The following G3BP2 variants were observed in gnomAD, a reference collection of about 807,000 sequenced individuals.
The protein encoded by G3BP2 is ras GTPase-activating protein-binding protein 2.
Under a neutral mutation model 56.7 loss-of-function variants are expected in G3BP2, and 11 were observed. The ratio of observed to expected loss-of-function variants is 0.19; its 90% CI spans 0.12 to 0.32. G3BP2 has a LOEUF of 0.32. Among genes scored for constraint, G3BP2 ranks in the 10% least tolerant of loss-of-function variants. The pLI is 1.00. For missense variants in G3BP2, 340 were observed against 610.9 expected (o/e 0.56, Z 4.67); for synonymous variants, 165 against 191.6 (o/e 0.86, Z 1.15).
chr4:75,667,289 A>G (rs201764309), intron 1 of G3BP2, among the ~76,000 whole-genome samples: 1 of 13,922 alleles, frequency 7.2e-5, no homozygotes, highest in South Asian at 1.1e-3. Flanking sequence ...GACACTGTTT[A>G]AAAAAAAAAA....
At position 75,643,588 on chromosome 4, in the gene G3BP2, C is replaced by T. The variant is rs530864042; in HGVS notation, c.*1842G>A. The T allele has an allele frequency of 6.6e-6, 1 of 152,044 alleles. No homozygotes were observed. Among genetic ancestry groups the T allele is most frequent in the East Asian group, 1.9e-4 (1 of 5,164 alleles). 9.4% of individuals were successfully genotyped at this position (152,044 alleles called of 1,614,324 possible). A position where few individuals can be genotyped will look rare whatever the true frequency, so the allele number is the denominator to read the frequency against. On this transcript the variant is annotated 3_prime_UTR_variant, in exon 12 of 12. Coordinates refer to ENST00000359707, the MANE Select transcript of G3BP2 (RefSeq NM_203505.3). ...TCCCTCAAACATGGAAGACCTCATT[C>T]AAAGGGGGAAAAAGGGACAGATTTT...
Position 75,643,543 on chromosome 4 carries a change from T to C in G3BP2, c.*1887A>G, listed in dbSNP as rs1287003574. Reference sequence around the variant, plus strand: ...TATGAAAATCTGTGTCCCCAAAATATATGCAATAGTGCAAGACTTTCCCTC... The same window carrying C: ...TATGAAAATCTGTGTCCCCAAAATACATGCAATAGTGCAAGACTTTCCCTC... On this transcript the variant is annotated 3_prime_UTR_variant, in exon 12 of 12. Transcript: ENST00000359707. The C allele has an allele frequency of 1.3e-5, 2 of 150,590 alleles. No homozygotes were observed. Among genetic ancestry groups the C allele is most frequent in the Non-Finnish European group, 3.0e-5 (2 of 67,702 alleles). 9.3% of individuals were successfully genotyped at this position (150,590 alleles called of 1,614,324 possible).
chr4:75,652,576 A>G (rs1731778377), intron 8 of G3BP2, among the ~76,000 whole-genome samples: 1 of 152,064 alleles, frequency 6.6e-6, no homozygotes, highest in South Asian at 2.1e-4. Context: ...GAGCTAAGAT[A>G]ACGCCACTGC....
chr4:75,710,215 G>A (rs540479749), intron 3 of G3BP2, among the ~76,000 whole-genome samples: 8 of 151,734 alleles, frequency 5.3e-5, no homozygotes, highest in Admixed American at 4.6e-4. Flanking sequence ...CTCCTGCCTT[G>A]ACCTCCCAAA....
intron 1 of G3BP2, among the ~76,000 whole-genome samples, chr4:75,663,380 C>T (rs935535747): frequency 1.3e-5 from 2 of 152,150 alleles, no homozygotes; most frequent in Non-Finnish European, 2.9e-5. Context: ...CGATCCTCCC[C>T]GCTAAATCTC....
intron 3 of G3BP2, among the ~76,000 whole-genome samples, chr4:75,715,312 C>T (rs376237518): frequency 6.9e-6 from 1 of 145,550 alleles, no homozygotes; most frequent in African/African-American, 2.5e-5. Context: ...GAAAAAAAAA[C>T]TGTATTTATG....
At chr4:75,699,012 C>A (rs780699768) in intron 3 of G3BP2, among the ~76,000 whole-genome samples, 2 of 152,126 alleles carry the variant, frequency 1.3e-5, no homozygotes, top group Non-Finnish European at 2.9e-5. Flanking sequence ...ACTCTCCTAC[C>A]TCTACTTATG....
At chr4:75,658,493 G>T (rs1004532562) in intron 3 of G3BP2, among the ~76,000 whole-genome samples, 11 of 151,520 alleles carry the variant, frequency 7.3e-5, no homozygotes, top group African/African-American at 2.7e-4. Context: ...CACTTTGGGA[G>T]GCTGAGGCGG....
intron 2 of G3BP2, chr4:75,661,700 T>C (rs939963652): frequency 6.9e-6 from 3 of 433,058 alleles, no homozygotes; most frequent in African/African-American, 2.0e-5. Context: ...AGCGTGTGCA[T>C]ATATAGATAT....
chr4:75,653,185 T>C (rs1332124823), intron 8 of G3BP2, among the ~76,000 whole-genome samples: 3 of 152,086 alleles, frequency 2.0e-5, no homozygotes, highest in Admixed American at 6.6e-5. Context: ...TAAAAATTAC[T>C]ACTTTTAAAA....
intron 3 of G3BP2, among the ~76,000 whole-genome samples, chr4:75,708,972 T>C (rs142293627): frequency 1.3e-5 from 2 of 152,048 alleles, no homozygotes; most frequent in East Asian, 3.9e-4. Context: ...TAGCCAGGCA[T>C]GGTGGCGCAC....
chr4:75,716,173 C>CT lies in G3BP2; in HGVS notation c.-25+4703dup, dbSNP rs796505168. Among the ~76,000 whole-genome samples the CT allele has an allele frequency of 5.9e-5, 9 of 152,030 alleles. 1 individual carries two copies. Among genetic ancestry groups the CT allele is most frequent in the African/African-American group, 1.7e-4 (7 of 41,472 alleles). On this transcript the variant is annotated intron_variant, in intron 3 of 3. Transcript: ENST00000499709. ...AGGGCAAGTTGGAGCTTTTCTAGTT[C>CT]TTTTTTTTCCCCTGGAGACACAGTA...
chr4:75,665,626 A>AAC (rs33922717), intron 1 of G3BP2, among the ~76,000 whole-genome samples: 3 of 142,796 alleles, frequency 2.1e-5, no homozygotes, highest in Non-Finnish European at 4.7e-5. Context: ...CAAACACACA[A>AAC]ACACACACAC....
intron 1 of G3BP2, among the ~76,000 whole-genome samples, chr4:75,671,345 G>A (rs1733472712): frequency 6.6e-6 from 1 of 152,144 alleles, no homozygotes; most frequent in African/African-American, 2.4e-5. Context: ...CTAATTATGC[G>A]TAATAAACAG....
chr4:75,673,125 C>G, intron 1 of G3BP2, 83 bp downstream of exon 1: 3 of 1,094,348 alleles, frequency 2.7e-6, no homozygotes, highest in Non-Finnish European at 3.3e-6. Context: ...ACACACCGGA[C>G]GATTGCCTCG....
At chr4:75,713,028 A>G (rs1719813354) in intron 3 of G3BP2, among the ~76,000 whole-genome samples, 1 of 152,144 alleles carries the variant, frequency 6.6e-6, no homozygotes, top group Non-Finnish European at 1.5e-5. Flanking sequence ...AAATAAACAA[A>G]ACCCTATTCC....
intron 3 of G3BP2, among the ~76,000 whole-genome samples, chr4:75,703,029 T>C (rs957878180): frequency 6.6e-6 from 1 of 152,142 alleles, no homozygotes. Flanking sequence ...GGACACTCCT[T>C]AAAATCACCC....
chr4:75,650,744 C>T (rs559950533), intron 8 of G3BP2, among the ~76,000 whole-genome samples: 67 of 152,110 alleles, frequency 4.4e-4, no homozygotes, highest in African/African-American at 1.5e-3. Context: ...ACTCTATTGC[C>T]CAGGCTGGAG....
intron 3 of G3BP2, among the ~76,000 whole-genome samples, chr4:75,707,035 A>C (rs1452622937): frequency 6.6e-6 from 1 of 151,880 alleles, no homozygotes; most frequent in South Asian, 2.1e-4. Flanking sequence ...TCTACTAAAA[A>C]TACAAAATTA....
Sources: gnomAD v4.1 joint callset for allele counts (sites outside exome capture counted in the v4.1 genomes callset) on GRCh38, gnomAD v4.1.1 for gene constraint, MANE v1.5 for transcripts, NCBI Gene and HGNC (gene_info 2026-07-23, HGNC 2026-07-21) for gene names.